The following TENM3 variants were observed in gnomAD, a reference collection of about 807,000 sequenced individuals.
TENM3 encodes the protein teneurin-3.
In TENM3, 63 loss-of-function variants were observed where a neutral mutation model predicts 255.1. The ratio of observed to expected loss-of-function variants is 0.25; its 90% CI spans 0.20 to 0.30. TENM3 has a LOEUF of 0.30. Ranked by LOEUF, TENM3 falls within the 10% of genes least tolerant of loss-of-function variation. The pLI is 1.00. For synonymous variants in TENM3, 1,306 were observed against 1,322.3 expected, an observed-to-expected ratio of 0.99 and a Z score of 0.27; for missense variants, 2,929 against 3,461.1, an observed-to-expected ratio of 0.85 and a Z score of 3.86.
At chr4:182,359,067 G>A (rs931368075) in intron 3 of TENM3, among the ~76,000 whole-genome samples, 60 of 151,636 alleles carry the variant, frequency 4.0e-4, no homozygotes, top group African/African-American at 1.1e-3. Context: ...CAGGGATGAA[G>A]CCCACTTGAT....
At chr4:182,608,232 T>G (rs575243881) in intron 4 of TENM3, among the ~76,000 whole-genome samples, 69 of 152,288 alleles carry the variant, frequency 4.5e-4, no homozygotes, top group African/African-American at 1.6e-3. Context: ...TGTATTCAGT[T>G]TTTTTAAAGA....
chr4:182,650,971 A>G (rs1365110439), intron 5 of TENM3, among the ~76,000 whole-genome samples: 1 of 150,362 alleles, frequency 6.7e-6, no homozygotes, highest in Non-Finnish European at 1.5e-5. Context: ...AGCTCTCCCA[A>G]CATAAACATT....
the TENM3 span, among the ~76,000 whole-genome samples, chr4:182,070,474 G>C: frequency 7.2e-5 from 11 of 152,036 alleles, no homozygotes; most frequent in African/African-American, 2.2e-4. Flanking sequence ...AAAATTAGTT[G>C]GGTGTAGCGG....
At chr4:181,811,598 G>T in the TENM3 span, among the ~76,000 whole-genome samples, 82 of 152,298 alleles carry the variant, frequency 5.4e-4, 2 homozygotes, top group African/African-American at 1.9e-3. Context: ...GTTCCACATG[G>T]CTGGGGAGGC....
chr4:182,184,664 T>G lies in TENM3; in HGVS notation c.-76+39910T>G, dbSNP rs192572250. On this transcript the variant is annotated intron_variant, in intron 1 of 2. Coordinates refer to the TENM3 transcript ENST00000512480. ...ATATAGGACCCAGTATTTTCTGTCT[T>G]GTGAAGGAGATACAGATGGAACTAC... Among the ~76,000 whole-genome samples the G allele has an allele frequency of 1.5e-3, 235 of 152,298 alleles. 1 individual carries two copies. Among genetic ancestry groups the G allele is most frequent in the African/African-American group, 5.4e-3 (226 of 41,556 alleles).
At chr4:181,456,665 G>A in the TENM3 span, among the ~76,000 whole-genome samples, 3 of 151,814 alleles carry the variant, frequency 2.0e-5, no homozygotes, top group African/African-American at 7.3e-5. Flanking sequence ...GATGAGTGAA[G>A]ATTAGATATA....
At chr4:181,705,829 A>AAT in the TENM3 span, among the ~76,000 whole-genome samples, 31 of 152,280 alleles carry the variant, frequency 2.0e-4, no homozygotes, top group African/African-American at 7.0e-4. Flanking sequence ...TGTGAGTGTG[A>AAT]ATAGCATGGA....
chr4:182,435,123 C>T (rs1406898494), intron 3 of TENM3, among the ~76,000 whole-genome samples: 1 of 152,122 alleles, frequency 6.6e-6, no homozygotes, highest in African/African-American at 2.4e-5. Flanking sequence ...AAGTAACTGT[C>T]CGTTCTGGGG....
intron 4 of TENM3, among the ~76,000 whole-genome samples, chr4:182,614,878 G>A (rs1749327963): frequency 6.6e-6 from 1 of 151,616 alleles, no homozygotes; most frequent in Non-Finnish European, 1.5e-5. Context: ...TCTTCACGTT[G>A]TTTCATAGAT....
At chr4:181,819,496 A>G in the TENM3 span, among the ~76,000 whole-genome samples, 1 of 152,192 alleles carries the variant, frequency 6.6e-6, no homozygotes, top group African/African-American at 2.4e-5. Context: ...TTGACATGCC[A>G]TCGGGATTGT....
chr4:182,020,457 A>G, the TENM3 span, among the ~76,000 whole-genome samples: 1 of 152,152 alleles, frequency 6.6e-6, no homozygotes, highest in Admixed American at 6.5e-5. Flanking sequence ...TTACAACTAG[A>G]TAGGAGGAAT....
At position 182,801,392 on chromosome 4, in the gene TENM3, G is replaced by A. The variant is rs1256072203; in HGVS notation, c.*1041G>A. On this transcript the variant is annotated 3_prime_UTR_variant, in exon 28 of 28. Transcript: ENST00000511685. ...CAGTGTCCTCAGCATTGTCAACTGAGAGGCACAGTAGACAACTAGGGCTGG... is the reference window on the plus strand; with the variant it reads ...CAGTGTCCTCAGCATTGTCAACTGAAAGGCACAGTAGACAACTAGGGCTGG... 6.6e-6 allele frequency: 1 copy of A among 152,182 alleles called. No homozygotes were observed. Among genetic ancestry groups the A allele is most frequent in the Non-Finnish European group, 1.5e-5 (1 of 68,038 alleles). 9.4% of individuals were successfully genotyped at this position (152,182 alleles called of 1,614,324 possible). A position where few individuals can be genotyped will look rare whatever the true frequency, so the allele number is the denominator to read the frequency against.
At chr4:181,945,549 C>G in the TENM3 span, among the ~76,000 whole-genome samples, 1 of 152,054 alleles carries the variant, frequency 6.6e-6, no homozygotes, top group East Asian at 2.0e-4. Flanking sequence ...TTCTTCTGTA[C>G]AACTTCCACC....
At chr4:182,695,895 A>T (rs564085803) in intron 12 of TENM3, among the ~76,000 whole-genome samples, 6 of 152,334 alleles carry the variant, frequency 3.9e-5, no homozygotes, top group Admixed American at 6.5e-5. Context: ...TTGAGTATTT[A>T]TCAGAATTCC....
the TENM3 span, among the ~76,000 whole-genome samples, chr4:181,806,196 T>G: frequency 6.6e-6 from 1 of 152,220 alleles, no homozygotes; most frequent in African/African-American, 2.4e-5. Context: ...CAGTTCAGCT[T>G]TCTGAGCCCA....
the TENM3 span, among the ~76,000 whole-genome samples, chr4:181,560,610 G>C: frequency 6.6e-6 from 1 of 152,164 alleles, no homozygotes; most frequent in Admixed American, 6.5e-5. Flanking sequence ...AGGGACTCAG[G>C]AAACGTAATA....
At chr4:182,597,812 A>C (rs1467975191) in intron 3 of TENM3, among the ~76,000 whole-genome samples, 3 of 152,118 alleles carry the variant, frequency 2.0e-5, no homozygotes, top group Admixed American at 1.3e-4. Flanking sequence ...TGTAAGCCCA[A>C]ATCTGTAGAG....
the TENM3 span, among the ~76,000 whole-genome samples, chr4:181,987,172 A>G: frequency 1.3e-5 from 2 of 152,068 alleles, no homozygotes; most frequent in Admixed American, 6.6e-5. Flanking sequence ...TTCTTCATCT[A>G]TCCTCTTACC....
intron 3 of TENM3, among the ~76,000 whole-genome samples, chr4:182,594,715 TG>T (rs1293667499): frequency 3.8e-4 from 53 of 138,244 alleles, no homozygotes; most frequent in Middle Eastern, 3.9e-3. Flanking sequence ...TGTGTGTGTG[TG>T]TGTGTGTGTG....
Sources: allele counts gnomAD v4.1 joint callset (sites outside exome capture counted in the v4.1 genomes callset), GRCh38; gene constraint gnomAD v4.1.1; transcripts MANE v1.5; gene names NCBI Gene and HGNC (gene_info 2026-07-23, HGNC 2026-07-21).